SERPINE2: variants seen among roughly 807,000 people sequenced by gnomAD.
The protein encoded by SERPINE2 is serpin family E member 2, also known as glia-derived nexin.
In SERPINE2, 14 loss-of-function variants were observed where a neutral mutation model predicts 36.3. That is an observed-to-expected ratio of 0.39 (90% CI 0.25 to 0.60). The LOEUF is 0.60. Among genes scored for constraint, SERPINE2 ranks in the 20% least tolerant of loss-of-function variants. SERPINE2 has a pLI of 0.57. For synonymous variants in SERPINE2, 192 were observed against 191.8 expected (o/e 1.00, Z -0.01); for missense variants, 418 against 499.6 (o/e 0.84, Z 1.56).
chr2:223,985,038 G>T (rs1404588703), intron 4 of SERPINE2, 88 bp from the exon 5 acceptor site: 1 of 1,129,188 alleles, frequency 8.9e-7, no homozygotes, highest in Non-Finnish European at 1.3e-6. Context: ...TAGCTTCAGA[G>T]AGCAACTCAG....
At chr2:224,020,068 TA>T (rs1468348216) in intron 1 of SERPINE2, among the ~76,000 whole-genome samples, 18 of 152,348 alleles carry the variant, frequency 1.2e-4, no homozygotes, top group African/African-American at 4.3e-4. Flanking sequence ...TCAAAATGCC[TA>T]GTTAACCCAT....
chr2:224,037,920 A>G (rs1337628465), intron 1 of SERPINE2, among the ~76,000 whole-genome samples: 1 of 152,238 alleles, frequency 6.6e-6, no homozygotes, highest in African/African-American at 2.4e-5. Context: ...TTTGGGGGTT[A>G]AAAGAAACCT....
intron 1 of SERPINE2, among the ~76,000 whole-genome samples, chr2:224,007,728 T>G (rs568210090): frequency 5.3e-4 from 81 of 152,278 alleles, no homozygotes; most frequent in East Asian, 9.6e-4. Flanking sequence ...TTTTTGGTTG[T>G]TTGTTTGTTT....
chr2:223,996,151 C>G (rs899036560), intron 3 of SERPINE2, among the ~76,000 whole-genome samples: 1 of 152,156 alleles, frequency 6.6e-6, no homozygotes, highest in Non-Finnish European at 1.5e-5. Flanking sequence ...TCTCCAGGTG[C>G]TCTGAAGACT....
chr2:224,000,259 G>A (rs1249444758), intron 2 of SERPINE2, among the ~76,000 whole-genome samples: 1 of 152,168 alleles, frequency 6.6e-6, no homozygotes, highest in South Asian at 2.1e-4. Context: ...ACTTTTGCAA[G>A]GTCACAGAGG....
At chr2:224,007,353 T>A (rs1025246027) in intron 1 of SERPINE2, among the ~76,000 whole-genome samples, 2 of 152,196 alleles carry the variant, frequency 1.3e-5, no homozygotes, top group African/African-American at 4.8e-5. Context: ...TTATAAAACA[T>A]ACATATATTT....
chr2:223,977,134 T>C (rs1377989144), intron 8 of SERPINE2, among the ~76,000 whole-genome samples: 2 of 152,216 alleles, frequency 1.3e-5, no homozygotes, highest in African/African-American at 4.8e-5. Flanking sequence ...CTCTTTTTCC[T>C]TGTAAATTAC....
At chr2:224,007,489 T>C (rs185996087) in intron 1 of SERPINE2, among the ~76,000 whole-genome samples, 1 of 152,312 alleles carries the variant, frequency 6.6e-6, no homozygotes, top group African/African-American at 2.4e-5. Flanking sequence ...AAATCAAAGA[T>C]GATTTTGGAG....
At chr2:223,994,054 T>C (rs1690782598) in intron 3 of SERPINE2, among the ~76,000 whole-genome samples, 1 of 152,234 alleles carries the variant, frequency 6.6e-6, no homozygotes, top group South Asian at 2.1e-4. Context: ...CATAGCTCAA[T>C]GGTCCCCTGG....
intron 1 of SERPINE2, among the ~76,000 whole-genome samples, chr2:224,029,650 G>A (rs1381519497): frequency 1.3e-5 from 2 of 152,176 alleles, no homozygotes; most frequent in Non-Finnish European, 2.9e-5. Flanking sequence ...CCCTTGCAGA[G>A]ACCTAAATAT....
At position 223,998,293 on chromosome 2, in the gene SERPINE2, C is replaced by T; in HGVS notation, c.309G>A (p.Lys103=). 6.8e-6 allele frequency: 11 copies of T among 1,614,170 alleles called. No homozygotes were observed. The highest frequency in any genetic ancestry group is 9.3e-6 in the Non-Finnish European group (11 of 1,179,998). ...TAGCCACTGTCACAATGTCTTTATTCTTCTTGGAGACGATGGCCTTGTTGA... is the reference window on the plus strand; with the variant it reads ...TAGCCACTGTCACAATGTCTTTATTTTTCTTGGAGACGATGGCCTTGTTGA... ...KKINKAIVSK[K]NKDIVTVANA... is the part of the protein sequence containing the mutation. Residue 103 remains lysine (K), a synonymous_variant, in exon 3 of 9, where the codon AAG becomes AAA. Coordinates refer to ENST00000409304, the MANE Select transcript of SERPINE2 (RefSeq NM_001136528.2).
chr2:223,998,016 C>T (rs1690960991), intron 3 of SERPINE2, 99 bp downstream of exon 3: 2 of 904,118 alleles, frequency 2.2e-6, no homozygotes, highest in Non-Finnish European at 3.6e-6. Flanking sequence ...AACCCACAGG[C>T]CATTGAATTG....
intron 1 of SERPINE2, among the ~76,000 whole-genome samples, chr2:224,026,251 T>G (rs1234779287): frequency 6.6e-6 from 1 of 152,198 alleles, no homozygotes; most frequent in African/African-American, 2.4e-5. Flanking sequence ...AAGTGGAAAA[T>G]AATCTTCCAT....
At chr2:224,006,660 T>C (rs1325194185) in intron 1 of SERPINE2, among the ~76,000 whole-genome samples, 3 of 152,212 alleles carry the variant, frequency 2.0e-5, no homozygotes, top group East Asian at 1.9e-4. Flanking sequence ...TTACCATTCA[T>C]TGGTAGACAC....
At chr2:223,997,370 G>A (rs564959435) in intron 3 of SERPINE2, among the ~76,000 whole-genome samples, 5 of 152,186 alleles carry the variant, frequency 3.3e-5, no homozygotes, top group South Asian at 2.1e-4. Context: ...ACAGGTGCCC[G>A]CCAGCATGTC....
At chr2:224,032,478 G>C (rs1574853925) in intron 1 of SERPINE2, among the ~76,000 whole-genome samples, 1 of 152,122 alleles carries the variant, frequency 6.6e-6, no homozygotes, top group South Asian at 2.1e-4. Context: ...CCCAGGTTAC[G>C]AGTTCACACT....
chr2:224,000,860 C>T (rs1691092894), intron 2 of SERPINE2, among the ~76,000 whole-genome samples: 1 of 152,126 alleles, frequency 6.6e-6, no homozygotes, highest in South Asian at 2.1e-4. Context: ...AGGACATGAA[C>T]TCACTCTTTT....
intron 1 of SERPINE2, among the ~76,000 whole-genome samples, chr2:224,009,042 C>A (rs985608028): frequency 6.6e-6 from 1 of 152,184 alleles, no homozygotes; most frequent in African/African-American, 2.4e-5. Context: ...CTGGGAGAAT[C>A]AAAGTGGATT....
intron 5 of SERPINE2, among the ~76,000 whole-genome samples, chr2:223,983,902 C>A (rs556268076): frequency 1.9e-4 from 29 of 151,492 alleles, no homozygotes; most frequent in African/African-American, 6.3e-4. Context: ...CCCATTGAGG[C>A]CTACGATGCC....
Sources: gnomAD v4.1 joint callset for allele counts (sites outside exome capture counted in the v4.1 genomes callset) on GRCh38, gnomAD v4.1.1 for gene constraint, MANE v1.5 for transcripts, NCBI Gene and HGNC (gene_info 2026-07-23, HGNC 2026-07-21) for gene names.